DGKB: variants seen among roughly 807,000 people sequenced by gnomAD.
The protein encoded by DGKB is diacylglycerol kinase beta, also known as 90 kDa diacylglycerol kinase.
A neutral mutation model predicts 114.3 loss-of-function variants in DGKB; 67 were observed. The observed-to-expected ratio is 0.59, with a 90% confidence interval of 0.48 to 0.72. The LOEUF (loss-of-function observed/expected upper bound fraction) is 0.72. Among genes scored for constraint, DGKB ranks in the 30% least tolerant of loss-of-function variants. DGKB has a pLI of 0.00. For synonymous variants in DGKB, 398 were observed against 323.1 expected (o/e 1.23, Z -2.49); for missense variants, 907 against 975.2 (o/e 0.93, Z 0.93).
At chr7:14,632,928 A>G (rs568452309) in intron 13 of DGKB, among the ~76,000 whole-genome samples, 2 of 152,064 alleles carry the variant, frequency 1.3e-5, no homozygotes, top group Non-Finnish European at 2.9e-5. Context: ...AGAAACCCAC[A>G]GCGGCCAAAA....
intron 1 of DGKB, among the ~76,000 whole-genome samples, chr7:14,973,526 TGTTTTTTTTTTC>T (rs1787610234): frequency 7.4e-6 from 1 of 135,094 alleles, no homozygotes; most frequent in African/African-American, 2.8e-5. Flanking sequence ...TTTGTTTTTT[TGTTTTTTTTTTC>T]TTTTTTTTTT....
chr7:14,307,100 T>G (rs915768425), intron 23 of DGKB, among the ~76,000 whole-genome samples: 3 of 127,440 alleles, frequency 2.4e-5, no homozygotes, highest in Non-Finnish European at 5.3e-5. Context: ...ACCTTATTTC[T>G]ATTTGAATCT....
intron 17 of DGKB, among the ~76,000 whole-genome samples, chr7:14,592,538 T>C (rs1281357660): frequency 6.6e-6 from 1 of 151,932 alleles, no homozygotes; most frequent in Non-Finnish European, 1.5e-5. Context: ...TTTGTGATGT[T>C]ACCGTTGTTT....
At chr7:14,191,450 C>G (rs1470311552) in intron 23 of DGKB, 1 of 172,966 alleles carries the variant, frequency 5.8e-6, no homozygotes, top group Admixed American at 6.4e-5. Context: ...GATGGCAATG[C>G]CAGTGGAACT....
intron 23 of DGKB, among the ~76,000 whole-genome samples, chr7:14,212,216 A>T (rs1788098749): frequency 1.8e-4 from 1 of 5,500 alleles, no homozygotes; most frequent in Non-Finnish European, 2.6e-4. Flanking sequence ...GTGTTTTGTG[A>T]TTTTACTCTC....
At chr7:14,668,614 A>G (rs1818449149) in intron 13 of DGKB, among the ~76,000 whole-genome samples, 1 of 152,056 alleles carries the variant, frequency 6.6e-6, no homozygotes, top group Non-Finnish European at 1.5e-5. Context: ...ACTTATAACC[A>G]TACCCCTTCA....
intron 20 of DGKB, among the ~76,000 whole-genome samples, chr7:14,520,096 A>G (rs963439795): frequency 6.6e-6 from 1 of 151,676 alleles, no homozygotes; most frequent in Non-Finnish European, 1.5e-5. Context: ...CTTTCAATAT[A>G]ATGTCTAAAG....
chr7:14,478,755 A>G (rs144639889), intron 20 of DGKB, among the ~76,000 whole-genome samples: 5 of 152,190 alleles, frequency 3.3e-5, no homozygotes, highest in African/African-American at 1.2e-4. Flanking sequence ...ATGTGTAATT[A>G]ATAACAGTTT....
chr7:14,334,004 G>C (rs1810202686), intron 23 of DGKB, among the ~76,000 whole-genome samples: 1 of 152,130 alleles, frequency 6.6e-6, no homozygotes, highest in Non-Finnish European at 1.5e-5. Context: ...TGATATATAA[G>C]CCAGTACAAA....
chr7:14,369,124 T>A (rs150857097), intron 21 of DGKB, among the ~76,000 whole-genome samples: 1 of 151,658 alleles, frequency 6.6e-6, no homozygotes. Context: ...CCTGTGTCCA[T>A]GTATTCTCAT....
chr7:14,209,532 C>A, intron 23 of DGKB: 1 of 502,798 alleles, frequency 2.0e-6, no homozygotes, highest in Non-Finnish European at 4.1e-6. Flanking sequence ...CAGTCTTCAG[C>A]TGCACAGAGC....
intron 2 of DGKB, among the ~76,000 whole-genome samples, chr7:14,825,880 T>C (rs1845639106): frequency 6.6e-6 from 1 of 152,168 alleles, no homozygotes; most frequent in Admixed American, 6.5e-5. Flanking sequence ...CAACAAATGA[T>C]AAACTATTAG....
chr7:14,834,069 T>A (rs957676820), intron 2 of DGKB, among the ~76,000 whole-genome samples: 6 of 152,094 alleles, frequency 3.9e-5, no homozygotes, highest in South Asian at 4.1e-4. Context: ...CCTATAATAA[T>A]GTGGAAAGTG....
At chr7:14,541,792 A>G (rs888963020) in intron 20 of DGKB, among the ~76,000 whole-genome samples, 6 of 152,238 alleles carry the variant, frequency 3.9e-5, no homozygotes, top group Non-Finnish European at 7.3e-5. Context: ...TCCCAATTTG[A>G]CGTCAGTAAG....
chr7:14,748,194 T>C (rs1564091505), intron 4 of DGKB, among the ~76,000 whole-genome samples: 2 of 152,180 alleles, frequency 1.3e-5, no homozygotes, highest in Non-Finnish European at 2.9e-5. Context: ...TGGGTAAAGA[T>C]GTTACTAGAA....
chr7:14,557,186 C>T (rs1210882735), intron 20 of DGKB, among the ~76,000 whole-genome samples: 1 of 152,168 alleles, frequency 6.6e-6, no homozygotes, highest in Non-Finnish European at 1.5e-5. Context: ...AATTTAAGAA[C>T]CACTATCTTA....
Position 14,682,553 on chromosome 7 carries a change from T to A in DGKB, c.1035A>T (p.Thr345=). The change falls in exon 12 of 26, where the codon ACA becomes ACT. Residue 345 remains threonine (T), a splice_region_variant and synonymous_variant. Transcript: ENST00000402815. ...TGLHCVWCQI[T]LHNKCASHLK... ...GATTTGTTTTCCAATTTTTACTCAC[T>A]GTGATCTGACACCAAACACAATGCA... 4 of 1,607,232 alleles carry A rather than the reference T, an allele frequency of 2.5e-6. No homozygotes were observed. Among genetic ancestry groups the A allele is most frequent in the Non-Finnish European group, 3.4e-6 (4 of 1,174,020 alleles).
At chr7:14,478,694 T>A (rs1248353124) in intron 20 of DGKB, among the ~76,000 whole-genome samples, 1 of 152,054 alleles carries the variant, frequency 6.6e-6, no homozygotes, top group Non-Finnish European at 1.5e-5. Flanking sequence ...TGTGCATGTC[T>A]AGTAAAGATA....
intron 6 of DGKB, among the ~76,000 whole-genome samples, chr7:14,709,078 C>CTAA (rs1408030143): frequency 5.5e-5 from 8 of 145,346 alleles, no homozygotes; most frequent in Non-Finnish European, 1.2e-4. Context: ...TGACAAAGGG[C>CTAA]TAATATCCAG....
Sources: allele counts gnomAD v4.1 joint callset (sites outside exome capture counted in the v4.1 genomes callset), GRCh38; gene constraint gnomAD v4.1.1; transcripts MANE v1.5; gene names NCBI Gene and HGNC (gene_info 2026-07-23, HGNC 2026-07-21).